Variants in SLC6A16 observed in about 807,000 individuals in gnomAD.
The protein encoded by SLC6A16 is solute carrier family 6 member 16, also known as orphan sodium- and chloride-dependent neurotransmitter transporter NTT5.
A neutral mutation model predicts 65.4 loss-of-function variants in SLC6A16; 54 were observed. The observed-to-expected ratio is 0.83, with a 90% CI of 0.66 to 1.04. The LOEUF (loss-of-function observed/expected upper bound fraction) is 1.04. Ranked by LOEUF, SLC6A16 falls within the 50% of genes least tolerant of loss-of-function variation. SLC6A16 has a pLI of 0.00. For missense variants in SLC6A16, 816 were observed against 914.0 expected (o/e 0.89, Z 1.38); for synonymous variants, 330 against 346.5 (o/e 0.95, Z 0.53).
Position 49,309,796 on chromosome 19 carries a change from A to G in SLC6A16, c.731T>C (p.Ile244Thr). 1.2e-6 allele frequency: 2 copies of G among 1,613,688 alleles called. No homozygotes were observed. The highest frequency in any genetic ancestry group is 1.7e-6 in the Non-Finnish European group (2 of 1,179,694). Residue 244 changes from isoleucine to threonine, a missense_variant, in exon 5 of 12, where the codon ATA becomes ACA. By Grantham distance (89) the Ile-to-Thr change is moderately conservative. Coordinates refer to ENST00000335875, the MANE Select transcript of SLC6A16 (RefSeq NM_014037.3). ...CAAGGCCTGCTGGTACCAGAAGTAT[A>G]TGGAGGGTGTTGTCCGTTCACATTC... ...DPECERTTPSIYFWYQQALKA... is the reference protein window; with the variant it reads ...DPECERTTPSTYFWYQQALKA...
chr19:49,339,515 C>A, the SLC6A16 span: 2 of 1,489,248 alleles, frequency 1.3e-6, no homozygotes, highest in South Asian at 2.4e-5. The surrounding 1 kb of genome is among the most constrained non-coding windows in gnomAD (Gnocchi z 4.5). Flanking sequence ...GAGCTCAGGG[C>A]GGAGCGCAGC....
the SLC6A16 span, chr19:49,338,152 C>T: frequency 4.1e-6 from 6 of 1,464,554 alleles, no homozygotes; most frequent in Non-Finnish European, 5.4e-6. The surrounding 1 kb of genome is among the most constrained non-coding windows in gnomAD (Gnocchi z 5.0). Context: ...CCAATCCCTC[C>T]CAGGCCCGAC....
chr19:49,296,995 T>A (rs112251295), intron 7 of SLC6A16, among the ~76,000 whole-genome samples: 6 of 151,852 alleles, frequency 4.0e-5, no homozygotes, highest in African/African-American at 1.2e-4. Flanking sequence ...TCTCAAAAAA[T>A]ATATATATAT....
chr19:49,323,929 C>T (rs1319640895), intron 1 of SLC6A16, among the ~76,000 whole-genome samples: 1 of 152,146 alleles, frequency 6.6e-6, no homozygotes, highest in Non-Finnish European at 1.5e-5. Context: ...CTTTGAAAGG[C>T]TGAGGTGGAA....
At chr19:49,335,463 T>C in the SLC6A16 span, 1 of 1,017,028 alleles carries the variant, frequency 9.8e-7, no homozygotes, top group Non-Finnish European at 1.6e-6. This position sits in a 1 kb window ranked among gnomAD's most constrained non-coding sequence, Gnocchi z 4.6. Context: ...TCTCTCAGCC[T>C]CTTTCTTTCT....
At chr19:49,311,539 C>A (rs2146138608) in intron 1 of SLC6A16, 128 bp from the exon 2 acceptor site, 1 of 525,982 alleles carries the variant, frequency 1.9e-6, no homozygotes, top group South Asian at 3.5e-5. Flanking sequence ...ACAAAAAAAT[C>A]TCTTGCATAA....
chr19:49,304,191 A>G (rs1415302267), intron 7 of SLC6A16, among the ~76,000 whole-genome samples: 1 of 152,232 alleles, frequency 6.6e-6, no homozygotes, highest in East Asian at 1.9e-4. Flanking sequence ...TCAGAATAAA[A>G]TGGAGTCACT....
At chr19:49,329,823 G>T (rs991830938), upstream of SLC6A16, among the ~76,000 whole-genome samples, 2 of 151,690 alleles carry the variant, frequency 1.3e-5, no homozygotes, top group Admixed American at 6.6e-5. Flanking sequence ...TAGTAGAGAC[G>T]GGGGTTTCAC....
At chr19:49,337,653 G>T in the SLC6A16 span, 1 of 1,515,922 alleles carries the variant, frequency 6.6e-7, no homozygotes, top group Non-Finnish European at 8.8e-7. Context: ...GACCAAGGGA[G>T]ACAGGCATAA....
rs1970046943 is a variant in SLC6A16, at chr19:49,290,188, GA to G, written c.2145del (p.Gln716LysfsTer19). The G allele has an allele frequency of 6.2e-7, 1 of 1,614,112 alleles. No homozygotes were observed. Among genetic ancestry groups the G allele is most frequent in the Admixed American group, 1.7e-5 (1 of 60,008 alleles). ...LSHQLTPSKEVQKEEILQVDE... is the reference protein window; with the variant it reads ...LSHQLTPSKEXQKEEILQVDE... ...TCAACTTGTAGAATTTCTTCCTTTT[GA>G]ACCTCTTTACTGGGTGTTAGCTGGT... On this transcript the variant is annotated frameshift_variant, in exon 12 of 12. Coordinates refer to ENST00000335875, the MANE Select transcript of SLC6A16 (RefSeq NM_014037.3). LOFTEE classifies it high-confidence loss of function.
At chr19:49,340,199 C>T in the SLC6A16 span, 38 of 1,543,088 alleles carry the variant, frequency 2.5e-5, no homozygotes, top group Non-Finnish European at 3.2e-5. Context: ...GCATCACCCC[C>T]GTCTCGCCAG....
rs935052171 is a variant in SLC6A16 at position 49,320,543 on chromosome 19, T to C, written c.-65+4505A>G. On this transcript the variant is annotated intron_variant, in intron 1 of 11. Coordinates refer to ENST00000335875, the MANE Select transcript of SLC6A16 (RefSeq NM_014037.3). ...TAATAAAAATTAAAGCAGAAATGAA[T>C]AGAGAATAGAAAAACAATAGAGAAG... is the stretch of plus-strand genomic sequence containing the variant. Among the ~76,000 whole-genome samples, 14 of 148,748 alleles carry C rather than the reference T, an allele frequency of 9.4e-5. No individual in the cohort carries two copies. The South Asian group carries it at 2.3e-3, about 25-fold the overall frequency.
At chr19:49,340,039 C>A in the SLC6A16 span, 2 of 1,493,264 alleles carry the variant, frequency 1.3e-6, no homozygotes, top group Non-Finnish European at 1.8e-6. Flanking sequence ...TCCTTCTCAG[C>A]CTCTACCCCC....
chr19:49,324,573 C>A (rs1970768459), intron 1 of SLC6A16, among the ~76,000 whole-genome samples: 1 of 152,188 alleles, frequency 6.6e-6, no homozygotes, highest in Non-Finnish European at 1.5e-5. Context: ...GTGGGGAGTG[C>A]TCAGGATCCC....
rs766158533 is a variant in SLC6A16, at chr19:49,310,060, G to A, written c.680C>T (p.Thr227Met). Residue 227 changes from threonine to methionine, a missense_variant, in exon 4 of 12, where the codon ACG becomes ATG. Physicochemically the swap from Thr to Met is moderately conservative, Grantham distance 81 (BLOSUM62 -1). Coordinates refer to ENST00000335875, the MANE Select transcript of SLC6A16 (RefSeq NM_014037.3). ...FPVPWEKCPLTMNSSGFDPEC... is the reference protein window; with the variant it reads ...FPVPWEKCPLMMNSSGFDPEC... The stretch of plus-strand genomic sequence containing the variant: ...CTCACCAAAGCCACTAGAGTTCATC[G>A]TTAAGGGACATTTCTCCCATGGAAC... 129 of 1,613,656 alleles carry A rather than the reference G, an allele frequency of 8.0e-5. 1 individual carries two copies. The South Asian group carries it at 1.0e-3, about 13-fold the overall frequency.
the SLC6A16 span, chr19:49,335,676 C>G: frequency 2.5e-6 from 4 of 1,612,264 alleles, no homozygotes; most frequent in East Asian, 8.9e-5. This position sits in a 1 kb window ranked among gnomAD's most constrained non-coding sequence, Gnocchi z 4.6. Context: ...TCATCTTCCC[C>G]TGTGGCCCAC....
chr19:49,340,127 C>T, the SLC6A16 span: 3 of 1,536,338 alleles, frequency 2.0e-6, no homozygotes, highest in Admixed American at 1.8e-5. Flanking sequence ...CTACCTATCC[C>T]CTTCTCCAGC....
intron 7 of SLC6A16, among the ~76,000 whole-genome samples, chr19:49,299,720 C>A (rs190550250): frequency 4.2e-4 from 64 of 151,560 alleles, no homozygotes; most frequent in African/African-American, 1.5e-3. Flanking sequence ...CACTAGCAGA[C>A]TATCACTAAA....
At chr19:49,290,907 A>C in intron 10 of SLC6A16, 140 bp from the exon 11 acceptor site, 8 of 755,014 alleles carry the variant, frequency 1.1e-5, no homozygotes, top group Non-Finnish European at 1.7e-5. Context: ...GTCCTCTCTC[A>C]TCTTCCCCCT....
Sources: gnomAD v4.1 joint callset for allele counts (sites outside exome capture counted in the v4.1 genomes callset) on GRCh38, gnomAD v4.1.1 for gene constraint, Gnocchi (gnomAD v3.1) non-coding constraint, MANE v1.5 for transcripts, NCBI Gene and HGNC (gene_info 2026-07-23, HGNC 2026-07-21) for gene names.